Variants in ABCA8 observed in about 807,000 individuals in gnomAD.
The protein encoded by ABCA8 is ABC-type organic anion transporter ABCA8.
A neutral mutation model predicts 192.3 loss-of-function variants in ABCA8; 177 were observed. The ratio of observed to expected loss-of-function variants is 0.92; its 90% CI spans 0.81 to 1.04. ABCA8 has a LOEUF of 1.04. ABCA8 is among the 50% of genes least tolerant of loss of function. ABCA8 has a pLI of 0.00. For missense variants in ABCA8, 1,915 were observed against 1,904.8 expected (o/e 1.01, Z -0.10); for synonymous variants, 642 against 690.2 (o/e 0.93, Z 1.09).
chr17:68,893,554 C>T (rs1309845373), intron 23 of ABCA8, among the ~76,000 whole-genome samples: 1 of 150,548 alleles, frequency 6.6e-6, no homozygotes, highest in African/African-American at 2.4e-5. Flanking sequence ...ATAATAAAGC[C>T]CCTTCCTTCA....
At chr17:68,915,675 T>C (rs2067337786) in intron 17 of ABCA8, among the ~76,000 whole-genome samples, 1 of 152,086 alleles carries the variant, frequency 6.6e-6, no homozygotes, top group South Asian at 2.1e-4. Flanking sequence ...ACTCTGTTGG[T>C]GGGAATGTAA....
At chr17:68,935,083 C>CA (rs2068018282) in intron 5 of ABCA8, among the ~76,000 whole-genome samples, 1 of 146,060 alleles carries the variant, frequency 6.8e-6, no homozygotes, top group African/African-American at 2.5e-5. Flanking sequence ...CACTTTATCA[C>CA]CTTTTTTTTT....
chr17:68,950,268 G>A (rs1049686417), intron 1 of ABCA8, among the ~76,000 whole-genome samples: 10 of 152,118 alleles, frequency 6.6e-5, no homozygotes, highest in African/African-American at 9.7e-5. Context: ...CATACTGCCC[G>A]AAGTAATTTA....
rs1028958227 is a variant in ABCA8, at chr17:68,955,336, A to T, written c.-284T>A. ...CTACCATGTATCTAGAATTTGCTTT[A>T]ACTATTTGACTTCTGTGAAAAGTTT... On this transcript the variant is annotated 5_prime_UTR_variant, in exon 1 of 40. Coordinates refer to ENST00000586539, the MANE Select transcript of ABCA8 (RefSeq NM_001288985.2). 7.9e-5 allele frequency: 12 copies of T among 152,172 alleles called. No individual in the cohort carries two copies. Among genetic ancestry groups the T allele is most frequent in the African/African-American group, 2.9e-4 (12 of 41,448 alleles). 9.4% of individuals were successfully genotyped at this position (152,172 alleles called of 1,614,324 possible).
At position 68,929,451 on chromosome 17, in the gene ABCA8, C is replaced by A. The variant is rs76738302; in HGVS notation, c.939+110G>T. The A allele has an allele frequency of 5.7e-3, 7,395 of 1,305,078 alleles. 36 individuals carry two copies. The highest frequency in any genetic ancestry group is 6.6e-3 in the Non-Finnish European group (6,258 of 953,110). The allele number at this position is 1,305,078 out of a possible 1,614,324, so 80.8% of individuals were successfully genotyped here. A position where few individuals can be genotyped will look rare whatever the true frequency, so the allele number is the denominator to read the frequency against. On this transcript the variant is annotated intron_variant, in intron 8 of 39. Coordinates refer to ENST00000586539, the MANE Select transcript of ABCA8 (RefSeq NM_001288985.2). Reference sequence around the variant, plus strand: ...ATTGTACCTGTTTATAGATTTTTCACATGCAAACAGAGTAGGTAGAAAAAA... The same window carrying A: ...ATTGTACCTGTTTATAGATTTTTCAAATGCAAACAGAGTAGGTAGAAAAAA...
chr17:68,935,743 T>C (rs1287943750), intron 5 of ABCA8, among the ~76,000 whole-genome samples: 1 of 151,832 alleles, frequency 6.6e-6, no homozygotes, highest in Admixed American at 6.6e-5. Context: ...TGGTAGTTTG[T>C]TTTTATTTCT....
In ABCA8 at chr17:68,932,424, TA is replaced by T; in HGVS notation, c.660del (p.Ile221Ter). ...CAGGAAAAAAGGTACAAATCAGTTATAACTCCTGATTGACCAATGAAGGAAT... is the reference window on the plus strand; with the variant it reads ...CAGGAAAAAAGGTACAAATCAGTTATACTCCTGATTGACCAATGAAGGAAT... The part of the protein sequence containing the change: ...KMHSFIGQSG[V>X]ITDLYLFSCI... On this transcript the variant is annotated frameshift_variant, in exon 7 of 40. Coordinates refer to ENST00000586539, the MANE Select transcript of ABCA8 (RefSeq NM_001288985.2). LOFTEE classifies it high-confidence loss of function. 6.2e-7 allele frequency: 1 copy of T among 1,614,050 alleles called. No individual in the cohort carries two copies.
At chr17:68,894,424 A>G in intron 22 of ABCA8, 114 bp from the exon 23 acceptor site, 3 of 940,550 alleles carry the variant, frequency 3.2e-6, no homozygotes, top group Non-Finnish European at 4.6e-6. Flanking sequence ...GGTGTTAAAT[A>G]ATCACAATAA....
At chr17:68,921,000 C>A (rs1049821811) in intron 13 of ABCA8, among the ~76,000 whole-genome samples, 58 of 152,148 alleles carry the variant, frequency 3.8e-4, no homozygotes, top group Admixed American at 6.5e-5. Context: ...CACATATACA[C>A]CATGGAATAC....
intron 10 of ABCA8, among the ~76,000 whole-genome samples, chr17:68,927,544 G>T (rs896800495): frequency 1.3e-5 from 2 of 151,994 alleles, no homozygotes; most frequent in African/African-American, 4.8e-5. Flanking sequence ...ACATGATTCT[G>T]TTGTCCAGCC....
In ABCA8 at chr17:68,936,897, A is replaced by G. The variant is rs566514364; in HGVS notation, c.466+54T>C. The G allele has an allele frequency of 1.1e-5, 16 of 1,449,032 alleles. No individual in the cohort carries two copies. The East Asian group carries it at 3.6e-4, about 33-fold the overall frequency. The allele number at this position is 1,449,032 out of a possible 1,614,324, so 89.8% of individuals were successfully genotyped here. On this transcript the variant is annotated intron_variant, in intron 5 of 39. Transcript: ENST00000586539. ...ATACTAACCTCTATTCCCACACATG[A>G]CTTATGACATAATTGAAATAGAGAG...
rs1326200690 is a variant in ABCA8, at chr17:68,891,599, G to GA, written c.3037-4dup. On this transcript the variant is annotated splice_region_variant and splice_polypyrimidine_tract_variant and intron_variant, in intron 23 of 39. Coordinates refer to ENST00000586539, the MANE Select transcript of ABCA8 (RefSeq NM_001288985.2). ...CCGATTGGATTGTCCTGTCCATTCT[G>GA]AAAAACCCAAAGAATACAATGAACT... 6.3e-7 allele frequency: 1 copy of GA among 1,599,936 alleles called. No individual in the cohort carries two copies. The highest frequency in any genetic ancestry group is 2.2e-5 in the East Asian group (1 of 44,678).
In ABCA8 at chr17:68,955,203, A is replaced by G. The variant is rs2068681788; in HGVS notation, c.-167+16T>C. On this transcript the variant is annotated intron_variant, in intron 1 of 39. Coordinates refer to ENST00000586539, the MANE Select transcript of ABCA8 (RefSeq NM_001288985.2). ...GCAAAATACAAAACAAAACAGAAAA[A>G]ATACAGTGAACTTACTTCTGGGAAA... 1 of 152,226 alleles carries G rather than the reference A, an allele frequency of 6.6e-6. No individual in the cohort carries two copies. The highest frequency in any genetic ancestry group is 2.4e-5 in the African/African-American group (1 of 41,464). The allele number at this position is 152,226 out of a possible 1,614,324, so 9.4% of individuals were successfully genotyped here.
chr17:68,886,389 C>T (rs1200893391), intron 26 of ABCA8, among the ~76,000 whole-genome samples: 1 of 152,162 alleles, frequency 6.6e-6, no homozygotes, highest in African/African-American at 2.4e-5. Context: ...TTTTCCTCTG[C>T]TAGGTTTCTG....
rs545169687 is a variant in ABCA8, at chr17:68,885,514, T to A, written c.3430-199A>T. On this transcript the variant is annotated intron_variant, in intron 26 of 39. Coordinates refer to ENST00000586539, the MANE Select transcript of ABCA8 (RefSeq NM_001288985.2). ...TAGAGTTTCACAAATGAGGTATCAC[T>A]TGATAAATCTAGGATGTGATATGCA... is the stretch of plus-strand genomic sequence containing the variant. Among the ~76,000 whole-genome samples the A allele has an allele frequency of 3.9e-5, 6 of 152,284 alleles. No homozygotes were observed. The South Asian group carries it at 1.0e-3, about 26-fold the overall frequency.
intron 37 of ABCA8, among the ~76,000 whole-genome samples, chr17:68,873,926 G>A (rs550371984): frequency 2.1e-4 from 32 of 152,180 alleles, no homozygotes; most frequent in African/African-American, 7.5e-4. Flanking sequence ...CTTTACACTA[G>A]TGCCATATTG....
At chr17:68,938,920 T>C (rs2068149322) in intron 4 of ABCA8, among the ~76,000 whole-genome samples, 1 of 152,210 alleles carries the variant, frequency 6.6e-6, no homozygotes, top group African/African-American at 2.4e-5. Flanking sequence ...TTATTAACTT[T>C]ATTGACAAAT....
intron 24 of ABCA8, 64 bp downstream of exon 24, chr17:68,891,425 T>C (rs2066618376): frequency 1.7e-6 from 2 of 1,158,620 alleles, no homozygotes; most frequent in Admixed American, 2.0e-5. Context: ...TTATGAAAAA[T>C]TGTAAAATTA....
chr17:68,948,515 ATTTG>A (rs1237357751), intron 2 of ABCA8, among the ~76,000 whole-genome samples: 5 of 151,738 alleles, frequency 3.3e-5, no homozygotes, highest in African/African-American at 7.3e-5. Context: ...AGTTTTTTTT[ATTTG>A]TTTGTTGGCC....
Sources: gnomAD v4.1 joint callset for allele counts (sites outside exome capture counted in the v4.1 genomes callset) on GRCh38, gnomAD v4.1.1 for gene constraint, MANE v1.5 for transcripts, NCBI Gene and HGNC (gene_info 2026-07-23, HGNC 2026-07-21) for gene names.